The following PCDHGA6 variants were observed in gnomAD, a reference collection of about 807,000 sequenced individuals.
PCDHGA6 encodes the protein protocadherin gamma-A6.
Under a neutral mutation model 60.6 loss-of-function variants are expected in PCDHGA6, and 41 were observed. The ratio of observed to expected loss-of-function variants is 0.68; its 90% CI spans 0.53 to 0.88. The LOEUF (loss-of-function observed/expected upper bound fraction) is 0.88. PCDHGA6 is among the 40% of genes least tolerant of loss of function. The pLI is 0.00. For missense variants in PCDHGA6, 1,312 were observed against 1,203.0 expected (o/e 1.09, Z -1.34); for synonymous variants, 594 against 524.4 (o/e 1.13, Z -1.81).
At chr5:141,501,319 A>G (rs2099807834) in intron 2 of PCDHGA6, among the ~76,000 whole-genome samples, 1 of 151,710 alleles carries the variant, frequency 6.6e-6, no homozygotes, top group Non-Finnish European at 1.5e-5. Context: ...ACACACACAC[A>G]CACACACACA....
chr5:141,397,992 C>T (rs1449951628), intron 1 of PCDHGA6: 3 of 1,349,734 alleles, frequency 2.2e-6, no homozygotes, highest in Non-Finnish European at 3.0e-6. Context: ...ACACCGCTTC[C>T]TCCTCGGAAA....
Position 141,456,465 on chromosome 5 carries a change from C to T in PCDHGA6, c.2425-38342C>T, listed in dbSNP as rs553441797. ...ACAGAGTCCAAATATCAATACAAGA[C>T]ATATAAGCAAGAGAGTGCTTAATAA... On this transcript the variant is annotated intron_variant, in intron 1 of 3. Coordinates refer to ENST00000517434, the MANE Select transcript of PCDHGA6 (RefSeq NM_018919.3). 2.6e-5 allele frequency among the ~76,000 whole-genome samples: 4 copies of T among 152,212 alleles called. No homozygotes were observed. In the East Asian group the frequency reaches 7.7e-4, roughly 29 times the overall value.
At chr5:141,510,286 A>G (rs1011677966) in intron 3 of PCDHGA6, among the ~76,000 whole-genome samples, 1 of 151,770 alleles carries the variant, frequency 6.6e-6, no homozygotes, top group African/African-American at 2.4e-5. Flanking sequence ...AAAAAAAAAA[A>G]AAAAATGCTG....
chr5:141,409,690 A>T (rs778962490), intron 1 of PCDHGA6: 1 of 1,613,354 alleles, frequency 6.2e-7, no homozygotes, highest in South Asian at 1.1e-5. Context: ...CGAGTGACCT[A>T]GAGCCCCTGG....
intron 1 of PCDHGA6, chr5:141,471,361 C>T (rs1206745378): frequency 6.6e-6 from 1 of 151,976 alleles, no homozygotes; most frequent in Non-Finnish European, 1.5e-5. Context: ...TCCAAGCCCC[C>T]TATTTTTATT....
chr5:141,477,611 C>T lies in PCDHGA6; in HGVS notation c.2425-17196C>T. On this transcript the variant is annotated intron_variant, in intron 1 of 3. Coordinates refer to ENST00000517434, the MANE Select transcript of PCDHGA6 (RefSeq NM_018919.3). This position sits in a 1 kb window ranked among gnomAD's most constrained non-coding sequence, Gnocchi z 4.9. ...TCGGCTTTCTTTCTTTCTCTTGGAG[C>T]AAGGAGCTGAAACCGGGCTAGTGGG... is the stretch of plus-strand genomic sequence containing the variant. The T allele has an allele frequency of 6.2e-7, 1 of 1,614,188 alleles. No homozygotes were observed. The highest frequency in any genetic ancestry group is 8.5e-7 in the Non-Finnish European group (1 of 1,180,036).
At position 141,491,151 on chromosome 5, in the gene PCDHGA6, T is replaced by C. The variant is rs1283775894; in HGVS notation, c.2425-3656T>C. The C allele has an allele frequency of 6.2e-7, 1 of 1,614,150 alleles. No individual in the cohort carries two copies. On this transcript the variant is annotated intron_variant, in intron 1 of 3. Transcript: ENST00000517434. The surrounding 1 kb of genome is among the most constrained non-coding windows in gnomAD (Gnocchi z 6.9). ...GCACAGCCCGGGCCTTACTGGAGGA[T>C]GACTCTGACACCCAGCAGGTGGTGG...
intron 1 of PCDHGA6, chr5:141,399,057 A>C (rs747872462): frequency 6.2e-7 from 1 of 1,613,840 alleles, no homozygotes; most frequent in Admixed American, 1.7e-5. Context: ...AGACCAAGGA[A>C]TATTCAATGG....
chr5:141,419,218 A>G, intron 1 of PCDHGA6: 1 of 1,613,940 alleles, frequency 6.2e-7, no homozygotes, highest in Non-Finnish European at 8.5e-7. Flanking sequence ...CGGTTTTCGG[A>G]CAGTCAGCCT....
intron 1 of PCDHGA6, chr5:141,411,270 A>G (rs1299052773): frequency 6.6e-6 from 1 of 152,160 alleles, no homozygotes; most frequent in African/African-American, 2.4e-5. Context: ...ATATTTTTAA[A>G]GCCTAAAAAT....
intron 1 of PCDHGA6, among the ~76,000 whole-genome samples, chr5:141,469,852 C>T (rs529924249): frequency 1.3e-4 from 20 of 152,054 alleles, no homozygotes; most frequent in African/African-American, 4.8e-4. Flanking sequence ...AGATTCAGAC[C>T]GGGTGCAATG....
In PCDHGA6 at chr5:141,487,761, C is replaced by T. The variant is rs1331182183; in HGVS notation, c.2425-7046C>T. Reference sequence around the variant, plus strand: ...GTAAGAGGTAACTATGTGGTAGACGCTGTGCTTTGTAACTGTTTCGTGAAT... The same window carrying T: ...GTAAGAGGTAACTATGTGGTAGACGTTGTGCTTTGTAACTGTTTCGTGAAT... On this transcript the variant is annotated intron_variant, in intron 1 of 3. Coordinates refer to ENST00000517434, the MANE Select transcript of PCDHGA6 (RefSeq NM_018919.3). The surrounding 1 kb of genome is among the most constrained non-coding windows in gnomAD (Gnocchi z 5.0). 3.2e-6 allele frequency: 5 copies of T among 1,545,926 alleles called. No individual in the cohort carries two copies. Among genetic ancestry groups the T allele is most frequent in the South Asian group, 1.2e-5 (1 of 83,534 alleles).
Position 141,441,858 on chromosome 5 carries a change from C to T in PCDHGA6, c.2425-52949C>T, listed in dbSNP as rs535716058. The T allele has an allele frequency of 6.0e-5, 21 of 349,416 alleles. No homozygotes were observed. The East Asian group carries it at 7.4e-4, about 12-fold the overall frequency. The allele number at this position is 349,416 out of a possible 1,614,324, so 21.6% of individuals were successfully genotyped here. On this transcript the variant is annotated intron_variant, in intron 1 of 3. Coordinates refer to ENST00000517434, the MANE Select transcript of PCDHGA6 (RefSeq NM_018919.3). ...TCGCGCTCTTGGATATGGTGCTGCA[C>T]GCCGCGGAGCCTGGCTACCTGGTCA...
At position 141,375,038 on chromosome 5, in the gene PCDHGA6, G is replaced by A. The variant is rs1771073387; in HGVS notation, c.955G>A (p.Val319Ile). The A allele has an allele frequency of 6.2e-7, 1 of 1,614,038 alleles. No homozygotes were observed. The highest frequency in any genetic ancestry group is 8.5e-7 in the Non-Finnish European group (1 of 1,179,912). Reference protein sequence around the residue: ...YEDSSFYELGVEARDGPGLRD... With the variant: ...YEDSSFYELGIEARDGPGLRD... ...GGACTCGAGTTTTTATGAGCTGGGT[G>A]TTGAAGCCCGGGATGGGCCAGGTCT... The change falls in exon 1 of 4, where the codon GTT becomes ATT. Residue 319 changes from valine to isoleucine, a missense_variant. Coordinates refer to ENST00000517434, the MANE Select transcript of PCDHGA6 (RefSeq NM_018919.3).
rs141034739 is a variant in PCDHGA6 at position 141,491,100 on chromosome 5, C to T, written c.2425-3707C>T. The T allele has an allele frequency of 2.7e-4, 430 of 1,614,138 alleles. No homozygotes were observed. The African/African-American group carries it at 4.7e-3, about 18-fold the overall frequency. ...AGTCCACAGCCCCAGGACTGTTCCT[C>T]GTGTCTACACACACTGGTGAGGTGC... On this transcript the variant is annotated intron_variant, in intron 1 of 3. Transcript: ENST00000517434. The surrounding 1 kb of genome is among the most constrained non-coding windows in gnomAD (Gnocchi z 6.9).
At chr5:141,435,805 T>C (rs2097780946) in intron 1 of PCDHGA6, among the ~76,000 whole-genome samples, 1 of 152,178 alleles carries the variant, frequency 6.6e-6, no homozygotes, top group African/African-American at 2.4e-5. Flanking sequence ...GTCCCAATTA[T>C]TTTTTCTTTC....
chr5:141,403,136 C>T, intron 1 of PCDHGA6: 1 of 1,614,006 alleles, frequency 6.2e-7, no homozygotes, highest in South Asian at 1.1e-5. Flanking sequence ...GCTGGCGGAG[C>T]GCCGAGTCCG....
chr5:141,464,517 G>A lies in PCDHGA6; in HGVS notation c.2425-30290G>A, dbSNP rs1487703873. 2.0e-5 allele frequency among the ~76,000 whole-genome samples: 3 copies of A among 151,862 alleles called. No individual in the cohort carries two copies. In the South Asian group the frequency reaches 6.2e-4, roughly 32 times the overall value. On this transcript the variant is annotated intron_variant, in intron 1 of 3. Transcript: ENST00000517434. ...GTGATTGCTGCATCATAAGGTAAAG[G>A]CATATGTAGTTTTGTTAAATATAGC...
chr5:141,421,787 C>T (rs753196648), intron 1 of PCDHGA6: 8 of 1,613,694 alleles, frequency 5.0e-6, no homozygotes, highest in East Asian at 2.2e-5. Context: ...CGGGGCAGAA[C>T]GGATGGGGCC....
Sources: allele counts gnomAD v4.1 joint callset (sites outside exome capture counted in the v4.1 genomes callset), GRCh38; gene constraint gnomAD v4.1.1; non-coding constraint Gnocchi (gnomAD v3.1); transcripts MANE v1.5; gene names NCBI Gene and HGNC (gene_info 2026-07-23, HGNC 2026-07-21).